Variants in SNX8 observed in about 807,000 individuals in gnomAD.
SNX8 encodes the protein sorting nexin 8.
A neutral mutation model predicts 51.6 loss-of-function variants in SNX8; 25 were observed. The observed-to-expected ratio is 0.48, with a 90% CI of 0.35 to 0.68. The LOEUF (loss-of-function observed/expected upper bound fraction) is 0.68. Among genes scored for constraint, SNX8 ranks in the 30% least tolerant of loss-of-function variants. The pLI is 0.00. For missense variants in SNX8, 695 were observed against 624.0 expected (o/e 1.11, Z -1.21); for synonymous variants, 324 against 277.0 (o/e 1.17, Z -1.68).
upstream of SNX8, among the ~76,000 whole-genome samples, chr7:2,314,620 G>A (rs567881798): frequency 6.6e-6 from 1 of 151,976 alleles, no homozygotes; most frequent in South Asian, 2.1e-4. Flanking sequence ...ACGCCCACAT[G>A]CCCCTCCCCG....
chr7:2,308,838 C>T (rs1325738150), intron 1 of SNX8, among the ~76,000 whole-genome samples: 5 of 145,884 alleles, frequency 3.4e-5, no homozygotes, highest in African/African-American at 5.1e-5. Flanking sequence ...GGCTGCAGCG[C>T]GGCACCATCT....
chr7:2,256,565 GC>G (rs1795183581), intron 10 of SNX8, among the ~76,000 whole-genome samples: 1 of 152,250 alleles, frequency 6.6e-6, no homozygotes, highest in Admixed American at 6.5e-5. Flanking sequence ...CCTTCTCTCA[GC>G]CGCAGGGTGC....
intron 1 of SNX8, among the ~76,000 whole-genome samples, chr7:2,345,808 T>C (rs1779011974): frequency 1.3e-5 from 2 of 152,200 alleles, no homozygotes; most frequent in African/African-American, 4.8e-5. Flanking sequence ...TTATTTCTTA[T>C]TTTTGTTTTG....
chr7:2,351,422 T>C (rs2115255095), intron 1 of SNX8, among the ~76,000 whole-genome samples: 1 of 152,204 alleles, frequency 6.6e-6, no homozygotes, highest in East Asian at 1.9e-4. Flanking sequence ...TGTGGTGGTG[T>C]GGATCTGTAC....
At chr7:2,259,200 T>A (rs1377253998) in intron 7 of SNX8, among the ~76,000 whole-genome samples, 57 of 152,112 alleles carry the variant, frequency 3.7e-4, no homozygotes, top group Admixed American at 3.7e-3. Flanking sequence ...ACCCCTGACC[T>A]GCACAGCTCA....
chr7:2,270,757 G>C (rs186647188), intron 4 of SNX8, among the ~76,000 whole-genome samples: 15 of 152,204 alleles, frequency 9.9e-5, no homozygotes, highest in Non-Finnish European at 1.8e-4. Flanking sequence ...CTCTGCCTCC[G>C]AGAGGAACGA....
At chr7:2,341,279 G>A (rs562846879) in intron 1 of SNX8, among the ~76,000 whole-genome samples, 111 of 151,746 alleles carry the variant, frequency 7.3e-4, no homozygotes, top group African/African-American at 2.5e-3. Flanking sequence ...CAGGAGGATC[G>A]CTTGAGGCCA....
intron 2 of SNX8, among the ~76,000 whole-genome samples, chr7:2,277,172 C>T (rs938655573): frequency 4.6e-5 from 7 of 152,134 alleles, no homozygotes; most frequent in African/African-American, 1.4e-4. Context: ...CCAGGATGAA[C>T]AATGAAAACT....
chr7:2,310,880 T>C (rs4721575), intron 1 of SNX8, among the ~76,000 whole-genome samples: 63,038 of 152,014 alleles, frequency 0.41, 15,892 homozygotes, highest in Non-Finnish European at 0.55. Flanking sequence ...CCTGAGTACA[T>C]ATATGAATAA....
intron 1 of SNX8, among the ~76,000 whole-genome samples, chr7:2,294,090 T>C (rs1271925805): frequency 6.6e-6 from 1 of 151,616 alleles, no homozygotes; most frequent in Non-Finnish European, 1.5e-5. Context: ...AGTGAAACCC[T>C]GTCTCTACTA....
chr7:2,305,123 T>C (rs1168266739), intron 1 of SNX8, among the ~76,000 whole-genome samples: 1 of 152,134 alleles, frequency 6.6e-6, no homozygotes, highest in African/African-American at 2.4e-5. Context: ...AGCACCGGGC[T>C]GAGCCAGCAG....
chr7:2,329,039 T>A (rs1287443397), intron 1 of SNX8, among the ~76,000 whole-genome samples: 4 of 148,756 alleles, frequency 2.7e-5, no homozygotes, highest in African/African-American at 1.0e-4. Flanking sequence ...TGAGCCGAGA[T>A]CACGCCACTG....
chr7:2,295,283 A>G (rs771671920), intron 1 of SNX8, among the ~76,000 whole-genome samples: 57 of 151,818 alleles, frequency 3.8e-4, no homozygotes, highest in Non-Finnish European at 7.4e-4. Context: ...ACGTGCCTGT[A>G]ATCCCAGCTA....
intron 1 of SNX8, among the ~76,000 whole-genome samples, chr7:2,303,955 A>G (rs1360758111): frequency 6.6e-6 from 1 of 151,380 alleles, no homozygotes; most frequent in Non-Finnish European, 1.5e-5. Flanking sequence ...CAATTAAAAA[A>G]ATAATAATAA....
chr7:2,270,762 G>C (rs1023175158), intron 4 of SNX8, among the ~76,000 whole-genome samples: 1 of 152,184 alleles, frequency 6.6e-6, no homozygotes, highest in Admixed American at 6.5e-5. Context: ...CCTCCGAGAG[G>C]AACGAAGACA....
Position 2,303,423 on chromosome 7 carries a change from T to C in SNX8, c.94+10905A>G, listed in dbSNP as rs1319179628. 2.0e-5 allele frequency among the ~76,000 whole-genome samples: 3 copies of C among 151,956 alleles called. No individual in the cohort carries two copies. The East Asian group carries it at 5.8e-4, about 30-fold the overall frequency. ...CCCCTACTGGGAAGTGAGGAGCCCC[T>C]CTGCCCGGCCACCACCCCGTCTGGG... On this transcript the variant is annotated intron_variant, in intron 1 of 10. Transcript: ENST00000222990.
chr7:2,286,267 C>T (rs1316913914), intron 1 of SNX8, among the ~76,000 whole-genome samples: 1 of 152,034 alleles, frequency 6.6e-6, no homozygotes, highest in East Asian at 1.9e-4. Flanking sequence ...CTGCCTCGGC[C>T]TCCCAAAGTG....
At chr7:2,282,745 G>A (rs1795935868) in intron 1 of SNX8, among the ~76,000 whole-genome samples, 1 of 152,198 alleles carries the variant, frequency 6.6e-6, no homozygotes, top group Admixed American at 6.6e-5. Flanking sequence ...GGGAGGCCGA[G>A]GCAGGTGGAT....
rs147567337 is a variant in SNX8 at position 2,350,478 on chromosome 7, G to A, written c.-66+3744C>T. Reference sequence around the variant, plus strand: ...AAATTTGGCCTTAAAATGAAGTCACGTTTCTTTAGAAAGAGTTTTGAGGGA... The same window carrying A: ...AAATTTGGCCTTAAAATGAAGTCACATTTCTTTAGAAAGAGTTTTGAGGGA... On this transcript the variant is annotated intron_variant, in intron 1 of 5. Coordinates refer to the SNX8 transcript ENST00000435336. Among the ~76,000 whole-genome samples the A allele has an allele frequency of 1.2e-3, 179 of 152,264 alleles. 1 individual carries two copies. The highest frequency in any genetic ancestry group is 3.9e-3 in the African/African-American group (162 of 41,562).
Sources: gnomAD v4.1 joint callset for allele counts (sites outside exome capture counted in the v4.1 genomes callset) on GRCh38, gnomAD v4.1.1 for gene constraint, MANE v1.5 for transcripts, NCBI Gene and HGNC (gene_info 2026-07-23, HGNC 2026-07-21) for gene names.